SYNE1: variants seen among roughly 807,000 people sequenced by gnomAD.
The protein encoded by SYNE1 is nesprin-1.
Under a neutral mutation model 1,111.0 loss-of-function variants are expected in SYNE1, and 616 were observed. The observed-to-expected ratio is 0.55, with a 90% CI of 0.52 to 0.59. The LOEUF is 0.59. Ranked by LOEUF, SYNE1 falls within the 20% of genes least tolerant of loss-of-function variation. The pLI, the probability that SYNE1 is intolerant of heterozygous loss-of-function variation, is 0.00. For missense variants in SYNE1, 10,006 were observed against 10,417.0 expected, an observed-to-expected ratio of 0.96 and a Z score of 1.72; for synonymous variants, 3,855 against 3,825.8, an observed-to-expected ratio of 1.01 and a Z score of -0.28.
intron 104 of SYNE1, among the ~76,000 whole-genome samples, chr6:152,250,089 C>T (rs937012561): frequency 2.6e-5 from 4 of 151,632 alleles, no homozygotes; most frequent in Non-Finnish European, 5.9e-5. Context: ...ACAGTGCACC[C>T]GGTCTCTACA....
Position 152,373,156 on chromosome 6 carries a change from G to A in SYNE1, c.9388C>T (p.Leu3130Phe), listed in dbSNP as rs1215981915. The change falls in exon 59 of 146, where the codon CTT (leucine) becomes TTT (phenylalanine). Residue 3130 changes from leucine (L) to phenylalanine (F), a missense_variant. Leu to Phe is a conservative substitution (Grantham distance 22). This residue lies in a region of SYNE1 where 4,955 missense variants were observed against 5,017.2 expected (regional missense o/e 0.99). Coordinates refer to ENST00000367255, the MANE Select transcript of SYNE1 (RefSeq NM_182961.4). ...TCTTTGGTCAGCAGGGTACTCAGAA[G>A]TTCCCCTTTAGACAGCATCATGTTT... is the stretch of plus-strand genomic sequence containing the variant. ...KLNMMLSKGELLSTLLTKEKA... is the reference protein window; with the variant it reads ...KLNMMLSKGEFLSTLLTKEKA... 9 of 1,613,888 alleles carry A rather than the reference G, an allele frequency of 5.6e-6. No individual in the cohort carries two copies. The African/African-American group carries it at 9.3e-5, about 17-fold the overall frequency.
chr6:152,485,364 A>C (rs2098933677), intron 12 of SYNE1, among the ~76,000 whole-genome samples: 1 of 152,216 alleles, frequency 6.6e-6, no homozygotes, highest in African/African-American at 2.4e-5. Context: ...TATAAATCTT[A>C]GCTAATAATC....
In SYNE1 at chr6:152,330,200, C is replaced by T. The variant is rs1278211656; in HGVS notation, c.14485G>A (p.Gly4829Arg). 6.2e-7 allele frequency: 1 copy of T among 1,614,042 alleles called. No individual in the cohort carries two copies. Among genetic ancestry groups the T allele is most frequent in the Admixed American group, 1.7e-5 (1 of 59,998 alleles). Residue 4829 changes from glycine to arginine, a missense_variant, in exon 78 of 146, where the codon GGG (glycine) becomes AGG (arginine). Transcript: ENST00000367255. The part of the protein sequence containing the change: ...HSLAGSLQDS[G>R]IVLKRVTIHL... Reference sequence around the variant, plus strand: ...ATGGTTACTCGTTTCAGTACAATCCCTGAGTCCTGGAGACTTCCTGCCAGG... The same window carrying T: ...ATGGTTACTCGTTTCAGTACAATCCTTGAGTCCTGGAGACTTCCTGCCAGG...
intron 9 of SYNE1, among the ~76,000 whole-genome samples, chr6:152,503,612 T>C (rs1289591537): frequency 2.6e-5 from 4 of 152,166 alleles, no homozygotes; most frequent in Non-Finnish European, 4.4e-5. Context: ...CACAATGAAG[T>C]ATAAAACTAA....
intron 11 of SYNE1, among the ~76,000 whole-genome samples, chr6:152,490,929 T>G (rs2098967008): frequency 6.6e-6 from 1 of 152,218 alleles, no homozygotes; most frequent in African/African-American, 2.4e-5. Context: ...TCGCTACCTT[T>G]CAATCTCCCT....
At chr6:152,257,446 T>C (rs1770611973) in intron 101 of SYNE1, among the ~76,000 whole-genome samples, 1 of 152,108 alleles carries the variant, frequency 6.6e-6, no homozygotes, top group African/African-American at 2.4e-5. Context: ...GGCACGAGAA[T>C]TGCTTGAACC....
intron 2 of SYNE1, among the ~76,000 whole-genome samples, chr6:152,631,031 T>C (rs2099697034): frequency 1.3e-5 from 2 of 152,198 alleles, no homozygotes; most frequent in African/African-American, 2.4e-5. Flanking sequence ...CTAAGGTGGA[T>C]ATGACACAGA....
At chr6:152,322,327 T>G (rs553510593) in intron 82 of SYNE1, among the ~76,000 whole-genome samples, 5 of 152,334 alleles carry the variant, frequency 3.3e-5, no homozygotes, top group Non-Finnish European at 7.3e-5. Context: ...AAGTCTTTAT[T>G]TGAATTAATG....
chr6:152,526,316 A>G, intron 4 of SYNE1, 141 bp from the exon 5 acceptor site: 1 of 830,284 alleles, frequency 1.2e-6, no homozygotes, highest in Non-Finnish European at 2.0e-6. Context: ...TTTTGGATTG[A>G]GTTGCCAATT....
intron 140 of SYNE1, among the ~76,000 whole-genome samples, chr6:152,139,692 AAG>A (rs2057998401): frequency 7.1e-6 from 1 of 140,286 alleles, no homozygotes; most frequent in Admixed American, 7.5e-5. Context: ...AAGAAAGAAA[AAG>A]AAAGAGAAAA....
chr6:152,472,781 T>C (rs2098813953), intron 14 of SYNE1, among the ~76,000 whole-genome samples: 1 of 152,234 alleles, frequency 6.6e-6, no homozygotes, highest in Admixed American at 6.5e-5. Context: ...AGCTTAAAAC[T>C]GAGCATGACA....
chr6:152,528,681 G>A (rs760843858), intron 4 of SYNE1, among the ~76,000 whole-genome samples: 11 of 152,164 alleles, frequency 7.2e-5, no homozygotes, highest in Non-Finnish European at 1.6e-4. Context: ...GATGTGACTT[G>A]AGCTGGCTTG....
intron 133 of SYNE1, among the ~76,000 whole-genome samples, chr6:152,152,408 GAC>G (rs1216772275): frequency 6.6e-6 from 1 of 151,998 alleles, no homozygotes; most frequent in African/African-American, 2.4e-5. Context: ...CACATATATA[GAC>G]ACACACACAT....
chr6:152,189,435 C>T, intron 127 of SYNE1, 28 bp from the exon 128 acceptor site: 1 of 1,611,280 alleles, frequency 6.2e-7, no homozygotes, highest in Non-Finnish European at 8.5e-7. Context: ...CTTGAATACC[C>T]ACGGACATCT....
chr6:152,219,565 G>C (rs1454071017), intron 119 of SYNE1, among the ~76,000 whole-genome samples: 1 of 148,748 alleles, frequency 6.7e-6, no homozygotes, highest in Non-Finnish European at 1.5e-5. Flanking sequence ...TTTTTTTCCT[G>C]CCTCTTTATG....
At chr6:152,357,238 C>T (rs1464352821) in intron 66 of SYNE1, among the ~76,000 whole-genome samples, 1 of 152,114 alleles carries the variant, frequency 6.6e-6, no homozygotes, top group Admixed American at 6.6e-5. Flanking sequence ...CTGAAGTCAC[C>T]TAGTGTTGGG....
intron 9 of SYNE1, among the ~76,000 whole-genome samples, chr6:152,504,663 A>G (rs1394959459): frequency 2.0e-5 from 3 of 152,238 alleles, no homozygotes; most frequent in African/African-American, 7.2e-5. Context: ...TATCAAAGGC[A>G]TCTAAATTGT....
At chr6:152,288,797 T>G (rs9479284) in intron 95 of SYNE1, among the ~76,000 whole-genome samples, 16,230 of 152,152 alleles carry the variant, frequency 0.11, 1,305 homozygotes, top group African/African-American at 0.22. Context: ...CCACCTGCCT[T>G]GGCCTCCCAA....
rs374924581 is a variant in SYNE1, at chr6:152,342,507, T to C, written c.12225+1574A>G. On this transcript the variant is annotated intron_variant, in intron 74 of 145. Transcript: ENST00000367255. ...AAATATGAACACTTTTGTGAACCAT[T>C]GAATGACAATGTAAATCATTTTAGC... 1.2e-4 allele frequency among the ~76,000 whole-genome samples: 18 copies of C among 152,366 alleles called. No homozygotes were observed. In the East Asian group the frequency reaches 3.5e-3, roughly 29 times the overall value.
Sources: allele counts gnomAD v4.1 joint callset (sites outside exome capture counted in the v4.1 genomes callset), GRCh38; gene constraint gnomAD v4.1.1; regional missense constraint gnomAD v4.1.1; transcripts MANE v1.5; gene names NCBI Gene and HGNC (gene_info 2026-07-23, HGNC 2026-07-21).